The following DDX10 variants were observed in gnomAD, a reference collection of about 807,000 sequenced individuals.
DDX10 encodes DEAD-box helicase 10.
Under a neutral mutation model 104.3 loss-of-function variants are expected in DDX10, and 74 were observed. That is an observed-to-expected ratio of 0.71 (90% CI 0.59 to 0.86). DDX10 has a LOEUF of 0.86. DDX10 is among the 40% of genes least tolerant of loss of function. DDX10 has a pLI of 0.00. For missense variants in DDX10, 952 were observed against 1,040.0 expected (o/e 0.92, Z 1.16); for synonymous variants, 351 against 353.4 (o/e 0.99, Z 0.08).
chr11:108,731,572 G>A (rs2094312368), intron 13 of DDX10, among the ~76,000 whole-genome samples: 1 of 150,666 alleles, frequency 6.6e-6, no homozygotes, highest in Admixed American at 6.6e-5. Context: ...GAGTGCAATG[G>A]TGTCATCATG....
intron 13 of DDX10, among the ~76,000 whole-genome samples, chr11:108,825,243 G>A (rs1270515211): frequency 6.6e-6 from 1 of 152,164 alleles, no homozygotes; most frequent in East Asian, 1.9e-4. Flanking sequence ...GTTGGAATGA[G>A]GGCTTGAGGG....
intron 13 of DDX10, among the ~76,000 whole-genome samples, chr11:108,812,696 C>T (rs1240830205): frequency 6.6e-6 from 1 of 151,894 alleles, no homozygotes; most frequent in Non-Finnish European, 1.5e-5. Context: ...AAAAAAATGC[C>T]ATCAGCTGGC....
chr11:108,932,476 G>A (rs1487837023), intron 17 of DDX10, among the ~76,000 whole-genome samples: 2 of 151,838 alleles, frequency 1.3e-5, no homozygotes, highest in Non-Finnish European at 2.9e-5. Flanking sequence ...ATAATAAAAT[G>A]GGAACCACTT....
At position 108,723,002 on chromosome 11, in the gene DDX10, T is replaced by C; in HGVS notation, c.1505T>C (p.Leu502Pro). The change falls in exon 13 of 18, where the codon CTT becomes CCT. Residue 502 changes from leucine (L) to proline (P), a missense_variant. By Grantham distance (98) the Leu-to-Pro change is moderately conservative. Coordinates refer to ENST00000322536, the MANE Select transcript of DDX10 (RefSeq NM_004398.4). ...KLPIPEYALS[L>P]GLAVAPRVRF... ...CACGTTTTTCCATATTTAAGGTCTC[T>C]TGGTCTTGCTGTGGCACCACGCGTA... is the stretch of plus-strand genomic sequence containing the variant. 6.2e-7 allele frequency: 1 copy of C among 1,602,362 alleles called. No homozygotes were observed.
At chr11:108,875,721 T>C (rs748978145) in intron 16 of DDX10, among the ~76,000 whole-genome samples, 9 of 152,220 alleles carry the variant, frequency 5.9e-5, no homozygotes, top group Non-Finnish European at 1.3e-4. Context: ...TGCGTTGGCT[T>C]TCCAGTTCAT....
chr11:108,743,341 A>G (rs923628015), intron 13 of DDX10, among the ~76,000 whole-genome samples: 2 of 152,212 alleles, frequency 1.3e-5, no homozygotes, highest in African/African-American at 2.4e-5. Flanking sequence ...TCTTCATGTT[A>G]AAAACCCTCT....
intron 16 of DDX10, among the ~76,000 whole-genome samples, chr11:108,884,251 A>G (rs895649772): frequency 6.6e-5 from 10 of 152,158 alleles, no homozygotes; most frequent in African/African-American, 2.4e-4. Context: ...CTTCTCCATC[A>G]TGGTATATGC....
chr11:108,912,933 A>G (rs1863699207), intron 16 of DDX10, among the ~76,000 whole-genome samples: 1 of 152,120 alleles, frequency 6.6e-6, no homozygotes, highest in African/African-American at 2.4e-5. Context: ...TTATCTACCT[A>G]TGACCTGGAA....
intron 13 of DDX10, among the ~76,000 whole-genome samples, chr11:108,800,718 A>G (rs1862009902): frequency 6.6e-6 from 1 of 152,216 alleles, no homozygotes; most frequent in Non-Finnish European, 1.5e-5. Context: ...CTTTTGCTTA[A>G]TTTTATTGGG....
intron 14 of DDX10, among the ~76,000 whole-genome samples, chr11:108,840,798 G>T (rs1862626353): frequency 6.6e-6 from 1 of 152,124 alleles, no homozygotes; most frequent in Non-Finnish European, 1.5e-5. Flanking sequence ...ACTATGTTGG[G>T]CTCCAAGGAT....
intron 14 of DDX10, among the ~76,000 whole-genome samples, chr11:108,840,577 C>A (rs1213290364): frequency 2.0e-5 from 3 of 152,196 alleles, no homozygotes; most frequent in African/African-American, 7.2e-5. Context: ...GACATTTAGA[C>A]AGGTCCCCTC....
At chr11:108,820,135 G>A (rs958224941) in intron 13 of DDX10, among the ~76,000 whole-genome samples, 2 of 152,218 alleles carry the variant, frequency 1.3e-5, no homozygotes, top group African/African-American at 4.8e-5. Context: ...AATGCAGGCA[G>A]TTCCTCAAAA....
chr11:108,815,348 G>A (rs1161573224), intron 13 of DDX10, among the ~76,000 whole-genome samples: 2 of 151,792 alleles, frequency 1.3e-5, no homozygotes, highest in African/African-American at 2.4e-5. Context: ...AGTAAATACA[G>A]TCATCCCTTG....
At chr11:108,897,771 A>C (rs964154707) in intron 16 of DDX10, among the ~76,000 whole-genome samples, 1 of 152,066 alleles carries the variant, frequency 6.6e-6, no homozygotes, top group Non-Finnish European at 1.5e-5. Flanking sequence ...ATAAATACAA[A>C]TAAGGCAACT....
At chr11:108,749,812 G>A (rs183985922) in intron 13 of DDX10, among the ~76,000 whole-genome samples, 18 of 152,192 alleles carry the variant, frequency 1.2e-4, no homozygotes, top group South Asian at 1.0e-3. Flanking sequence ...GCCATTTATC[G>A]TCTTGTTGCA....
At chr11:108,891,361 C>A (rs1289795886) in intron 16 of DDX10, among the ~76,000 whole-genome samples, 2 of 152,140 alleles carry the variant, frequency 1.3e-5, no homozygotes, top group African/African-American at 4.8e-5. Flanking sequence ...AGGCGCTGTG[C>A]AGGGCTGAGG....
At chr11:108,693,491 T>C (rs2094255536) in intron 8 of DDX10, 25 bp from the exon 9 acceptor site, 2 of 1,592,970 alleles carry the variant, frequency 1.3e-6, no homozygotes, top group South Asian at 1.1e-5. Flanking sequence ...AACCAGTTTC[T>C]TAACTTCACA....
At chr11:108,935,368 C>T (rs1864023678) in intron 17 of DDX10, among the ~76,000 whole-genome samples, 1 of 152,096 alleles carries the variant, frequency 6.6e-6, no homozygotes, top group Non-Finnish European at 1.5e-5. Context: ...GTTACAGAGG[C>T]AGGCTTATAC....
chr11:108,861,608 C>T (rs1042635827), intron 16 of DDX10, among the ~76,000 whole-genome samples: 3 of 151,988 alleles, frequency 2.0e-5, no homozygotes. Context: ...CTAATATTTT[C>T]GGTTAGAGTT....
Sources: gnomAD v4.1 joint callset for allele counts (sites outside exome capture counted in the v4.1 genomes callset) on GRCh38, gnomAD v4.1.1 for gene constraint, MANE v1.5 for transcripts, NCBI Gene and HGNC (gene_info 2026-07-23, HGNC 2026-07-21) for gene names.